Variants in BATF3 observed in about 807,000 individuals in gnomAD.
BATF3 encodes basic leucine zipper ATF-like transcription factor 3, also known as basic leucine zipper transcriptional factor ATF-like 3.
Under a neutral mutation model 16.1 loss-of-function variants are expected in BATF3, and 8 were observed. The observed-to-expected ratio is 0.50, with a 90% confidence interval of 0.29 to 0.90. The LOEUF is 0.90. Ranked by LOEUF, BATF3 falls within the 40% of genes least tolerant of loss-of-function variation. The probability of loss-of-function intolerance (pLI) is 0.08; values close to 1 mark genes in which losing one functional copy is unlikely to be tolerated. For missense variants in BATF3, 139 were observed against 167.0 expected (o/e 0.83, Z 0.92); for synonymous variants, 74 against 72.7 (o/e 1.02, Z -0.09).
At chr1:212,688,479 A>G (rs1219117422) in intron 2 of BATF3, among the ~76,000 whole-genome samples, 1 of 152,252 alleles carries the variant, frequency 6.6e-6, no homozygotes, top group East Asian at 1.9e-4. Context: ...TCCTTGGATG[A>G]TGATGGATGC....
rs1011028429 is a variant in BATF3, at chr1:212,699,354, C to T, written c.90+319G>A. ...GGATGGGGCGGCCCTCAGGGCAGTGCGGAGCCCACGTGCCGGGGAGCACCG... is the reference window on the plus strand; with the variant it reads ...GGATGGGGCGGCCCTCAGGGCAGTGTGGAGCCCACGTGCCGGGGAGCACCG... On this transcript the variant is annotated intron_variant, in intron 1 of 2. Transcript: ENST00000243440. This position sits in a 1 kb window ranked among gnomAD's most constrained non-coding sequence, Gnocchi z 4.4. Among the ~76,000 whole-genome samples the T allele has an allele frequency of 6.6e-6, 1 of 152,076 alleles. No individual in the cohort carries two copies. The highest frequency in any genetic ancestry group is 1.5e-5 in the Non-Finnish European group (1 of 67,982).
chr1:212,695,569 G>A (rs1237446365), intron 2 of BATF3, among the ~76,000 whole-genome samples: 1 of 151,382 alleles, frequency 6.6e-6, no homozygotes, highest in African/African-American at 2.4e-5. Context: ...CTTGAGCCTG[G>A]GAGGTGGAGG....
intron 2 of BATF3, among the ~76,000 whole-genome samples, chr1:212,692,669 C>T (rs2102402125): frequency 6.6e-6 from 1 of 152,256 alleles, no homozygotes; most frequent in East Asian, 1.9e-4. Flanking sequence ...AACTCCTGGC[C>T]TCAAGTGATC....
chr1:212,698,501 T>C (rs1278213915), intron 1 of BATF3: 1 of 152,204 alleles, frequency 6.6e-6, no homozygotes, highest in African/African-American at 2.4e-5. Context: ...ATGCTTAGGA[T>C]TGGGATGCGA....
At chr1:212,697,789 G>A (rs868338060) in intron 1 of BATF3, 3 of 152,084 alleles carry the variant, frequency 2.0e-5, no homozygotes, top group Non-Finnish European at 2.9e-5. Context: ...ACAGGCAGGC[G>A]GAAAAATGCA....
intron 2 of BATF3, 117 bp from the exon 3 acceptor site, chr1:212,687,096 C>T: frequency 1.4e-6 from 1 of 694,192 alleles, no homozygotes; most frequent in Non-Finnish European, 2.6e-6. Flanking sequence ...CATGTCCCCT[C>T]CACTGCTCAG....
At chr1:212,690,135 G>T (rs780767555) in intron 2 of BATF3, among the ~76,000 whole-genome samples, 4 of 152,184 alleles carry the variant, frequency 2.6e-5, no homozygotes, top group African/African-American at 9.7e-5. Flanking sequence ...AAGTAAAATG[G>T]AGAGTACATT....
intron 2 of BATF3, among the ~76,000 whole-genome samples, chr1:212,693,484 GT>G (rs1657050584): frequency 1.3e-5 from 2 of 152,214 alleles, no homozygotes. Flanking sequence ...TGATCTGCCA[GT>G]GGAGAGTAAT....
At chr1:212,697,732 G>A (rs2102404282) in intron 1 of BATF3, 1 of 152,334 alleles carries the variant, frequency 6.6e-6, no homozygotes, top group East Asian at 1.9e-4. Context: ...TTAGCTATAT[G>A]TAAGATTTAA....
chr1:212,689,546 C>T lies in BATF3; in HGVS notation c.196-2567G>A, dbSNP rs1194572766. On this transcript the variant is annotated intron_variant, in intron 2 of 2. Transcript: ENST00000243440. The surrounding 1 kb of genome is among the most constrained non-coding windows in gnomAD (Gnocchi z 4.6). ...CTTTGACCTCTGACAAGCTCTAGTT[C>T]TGGAGTGAGAATTCTGTCTACAAAT... Among the ~76,000 whole-genome samples the T allele has an allele frequency of 6.6e-6, 1 of 152,152 alleles. No individual in the cohort carries two copies. The highest frequency in any genetic ancestry group is 1.5e-5 in the Non-Finnish European group (1 of 68,018).
chr1:212,695,276 C>T (rs187615308), intron 2 of BATF3, among the ~76,000 whole-genome samples: 66 of 152,060 alleles, frequency 4.3e-4, no homozygotes, highest in Middle Eastern at 3.4e-3. Flanking sequence ...GGGTGAATCA[C>T]GAGGTGAGGA....
chr1:212,698,453 G>A (rs1351943703), intron 1 of BATF3: 1 of 152,190 alleles, frequency 6.6e-6, no homozygotes, highest in Non-Finnish European at 1.5e-5. Context: ...CCTAAACAAA[G>A]GGTCAGTGAA....
In BATF3 at chr1:212,699,538, G is replaced by T; in HGVS notation, c.90+135C>A. On this transcript the variant is annotated intron_variant, in intron 1 of 2. Transcript: ENST00000243440. The surrounding 1 kb of genome is among the most constrained non-coding windows in gnomAD (Gnocchi z 4.4). Reference sequence around the variant, plus strand: ...CCAACATCCCTACGCCCCTACCTCTGCTTGTCTCCGGCCGCACCCGCCACC... The same window carrying T: ...CCAACATCCCTACGCCCCTACCTCTTCTTGTCTCCGGCCGCACCCGCCACC... The T allele has an allele frequency of 6.6e-6, 4 of 606,340 alleles. No homozygotes were observed. Among genetic ancestry groups the T allele is most frequent in the Non-Finnish European group, 9.5e-6 (4 of 421,692 alleles). The allele number at this position is 606,340 out of a possible 1,614,324, so 37.6% of individuals were successfully genotyped here. A position where few individuals can be genotyped will look rare whatever the true frequency, so the allele number is the denominator to read the frequency against.
At position 212,699,589 on chromosome 1, in the gene BATF3, G is replaced by A. The variant is rs6657898; in HGVS notation, c.90+84C>T. The stretch of plus-strand genomic sequence containing the variant: ...TCTGCACCTCCGCAGTCACCACCAC[G>A]GAACTCCAGCACCCACCTCCTCGCC... On this transcript the variant is annotated intron_variant, in intron 1 of 2. Transcript: ENST00000243440. The surrounding 1 kb of genome is among the most constrained non-coding windows in gnomAD (Gnocchi z 4.4). 735 of 1,131,072 alleles carry A rather than the reference G, an allele frequency of 6.5e-4. 2 individuals are homozygous for A. The African/African-American group carries it at 0.011, about 17-fold the overall frequency. 70.1% of individuals were successfully genotyped at this position (1,131,072 alleles called of 1,614,324 possible).
In BATF3 at chr1:212,699,617, C is replaced by G; in HGVS notation, c.90+56G>C. ...ACTCCAGCACCCACCTCCTCGCCCC[C>G]CGCGGCGCGCCGGTCCCCGCACCCC... On this transcript the variant is annotated intron_variant, in intron 1 of 2. Transcript: ENST00000243440. This position sits in a 1 kb window ranked among gnomAD's most constrained non-coding sequence, Gnocchi z 4.4. 1 of 1,243,798 alleles carries G rather than the reference C, an allele frequency of 8.0e-7. No homozygotes were observed. The highest frequency in any genetic ancestry group is 1.0e-6 in the Non-Finnish European group (1 of 987,722). The allele number at this position is 1,243,798 out of a possible 1,614,324, so 77.0% of individuals were successfully genotyped here.
chr1:212,696,893 C>G, intron 2 of BATF3, 68 bp downstream of exon 2: 1 of 1,157,274 alleles, frequency 8.6e-7, no homozygotes. Context: ...GAACAGTCAT[C>G]ACCCCCACTC....
intron 2 of BATF3, among the ~76,000 whole-genome samples, chr1:212,688,821 C>T (rs1656925371): frequency 6.6e-6 from 1 of 152,174 alleles, no homozygotes; most frequent in Admixed American, 6.5e-5. Context: ...TTTGTTGTAC[C>T]ATGCACACCA....
At chr1:212,687,996 A>AAAGAAAGAAAGAAAGAAAGAAAGGAAGG (rs1274002817) in intron 2 of BATF3, among the ~76,000 whole-genome samples, 1 of 101,244 alleles carries the variant, frequency 9.9e-6, no homozygotes, top group African/African-American at 3.6e-5. Flanking sequence ...AGAAAGAAAG[A>AAAGAAAGAAAGAAAGAAAGAAAGGAAGG]AAGGAAGGAA....
At position 212,686,664 on chromosome 1, in the gene BATF3, G is replaced by A. The variant is rs1348634236; in HGVS notation, c.*127C>T. ...CAGTCTGCAGGGAACACAGCTGGCT[G>A]GTCCTGGAGCTCCCAGGAGGAGGCC... On this transcript the variant is annotated 3_prime_UTR_variant, in exon 3 of 3. Coordinates refer to ENST00000243440, the MANE Select transcript of BATF3 (RefSeq NM_018664.3). The A allele has an allele frequency of 4.3e-6, 6 of 1,398,902 alleles. No individual in the cohort carries two copies. The highest frequency in any genetic ancestry group is 5.6e-6 in the Non-Finnish European group (6 of 1,062,346). The allele number at this position is 1,398,902 out of a possible 1,614,324, so 86.7% of individuals were successfully genotyped here.
Sources: gnomAD v4.1 joint callset for allele counts (sites outside exome capture counted in the v4.1 genomes callset) on GRCh38, gnomAD v4.1.1 for gene constraint, Gnocchi (gnomAD v3.1) non-coding constraint, MANE v1.5 for transcripts, NCBI Gene and HGNC (gene_info 2026-07-23, HGNC 2026-07-21) for gene names.